The following BHMT variants were observed in gnomAD, a reference collection of about 807,000 sequenced individuals.
BHMT encodes the protein betaine--homocysteine S-methyltransferase, also known as betaine--homocysteine S-methyltransferase 1.
Under a neutral mutation model 49.5 loss-of-function variants are expected in BHMT, and 38 were observed. The ratio of observed to expected loss-of-function variants is 0.77; its 90% CI spans 0.59 to 1.01. BHMT has a LOEUF of 1.01. Among genes scored for constraint, BHMT ranks in the 50% least tolerant of loss-of-function variants. The pLI, the probability that BHMT is intolerant of heterozygous loss-of-function variation, is 0.00. For missense variants in BHMT, 426 were observed against 495.7 expected, an observed-to-expected ratio of 0.86 and a Z score of 1.34; for synonymous variants, 166 against 176.3, an observed-to-expected ratio of 0.94 and a Z score of 0.46.
rs779249523 is a variant in BHMT, at chr5:79,127,933, C to A, written c.987C>A (p.Gly329=). Reference sequence around the variant, plus strand: ...TGCCACCAGCTTCAGAAAAACATGGCAGCTGGGGAAGTGGTTTGGACATGC... The same window carrying A: ...TGCCACCAGCTTCAGAAAAACATGGAAGCTGGGGAAGTGGTTTGGACATGC... ...GFLPPASEKH[G]SWGSGLDMHT... The change falls in exon 7 of 8, where the codon GGC becomes GGA. Residue 329 remains glycine (G), a synonymous_variant. Coordinates refer to ENST00000274353, the MANE Select transcript of BHMT (RefSeq NM_001713.3). The A allele has an allele frequency of 6.2e-7, 1 of 1,614,114 alleles. No individual in the cohort carries two copies. The highest frequency in any genetic ancestry group is 8.5e-7 in the Non-Finnish European group (1 of 1,179,986).
rs73769969 is a variant in BHMT, at chr5:79,120,461, A to G, written c.397A>G (p.Ser133Gly). The G allele has an allele frequency of 1.9e-5, 31 of 1,614,198 alleles. No homozygotes were observed. The African/African-American group carries it at 3.6e-4, about 19-fold the overall frequency. Residue 133 changes from serine (S) to glycine (G), a missense_variant, in exon 4 of 8, where the codon AGT becomes GGT. Coordinates refer to ENST00000274353, the MANE Select transcript of BHMT (RefSeq NM_001713.3). Reference sequence around the variant, plus strand: ...GACACCTTCATACCTTAGCTGCAAGAGTGAAACTGAAGTCAAAAAAGTATT... The same window carrying G: ...GACACCTTCATACCTTAGCTGCAAGGGTGAAACTGAAGTCAAAAAAGTATT... ...SQTPSYLSCK[S>G]ETEVKKVFLQ...
chr5:79,130,822 G>A, intron 7 of BHMT, 111 bp from the exon 8 acceptor site: 1 of 1,025,006 alleles, frequency 9.8e-7, no homozygotes, highest in South Asian at 4.0e-5. Context: ...AACTTTGTGT[G>A]CTGCGTGAAA....
rs543295195 is a variant in BHMT at position 79,130,962 on chromosome 5, G to T, written c.1067G>T (p.Arg356Leu). The T allele has an allele frequency of 6.2e-7, 1 of 1,612,874 alleles. No homozygotes were observed. Among genetic ancestry groups the T allele is most frequent in the Non-Finnish European group, 8.5e-7 (1 of 1,179,490 alleles). The stretch of plus-strand genomic sequence containing the variant: ...AGGAAGGAATACTGGGAGAATCTTC[G>T]GATAGCCTCAGGCCGGCCATACAAC... ...RARKEYWENL[R>L]IASGRPYNPS... is the part of the protein sequence containing the mutation. Residue 356 changes from arginine (R) to leucine (L), a missense_variant, in exon 8 of 8, where the codon CGG (arginine) becomes CTG (leucine). Arg to Leu is a moderately radical substitution (Grantham distance 102). This residue lies in a region of BHMT where 73 missense variants were observed against 68.3 expected (regional missense o/e 1.07). Coordinates refer to ENST00000274353, the MANE Select transcript of BHMT (RefSeq NM_001713.3).
chr5:79,127,745 C>T lies in BHMT; in HGVS notation c.809-10C>T. On this transcript the variant is annotated splice_polypyrimidine_tract_variant and intron_variant, in intron 6 of 7. Transcript: ENST00000274353. ...TATAATGCCTAATGGCATAATGCCACTTATTACAGGACTGGAACCCAGAGT... is the reference window on the plus strand; with the variant it reads ...TATAATGCCTAATGGCATAATGCCATTTATTACAGGACTGGAACCCAGAGT... 6.2e-7 allele frequency: 1 copy of T among 1,613,808 alleles called. No individual in the cohort carries two copies. Among genetic ancestry groups the T allele is most frequent in the Non-Finnish European group, 8.5e-7 (1 of 1,179,810 alleles).
chr5:79,128,675 A>C (rs1433779304), intron 7 of BHMT, among the ~76,000 whole-genome samples: 1 of 152,212 alleles, frequency 6.6e-6, no homozygotes. Context: ...CCACTTAAGT[A>C]TAGCTAATAC....
At chr5:79,114,716 C>T (rs1331723615) in intron 1 of BHMT, among the ~76,000 whole-genome samples, 2 of 152,098 alleles carry the variant, frequency 1.3e-5, no homozygotes, top group African/African-American at 4.8e-5. Context: ...AGTCAGGAAG[C>T]CCTATGCTCC....
intron 7 of BHMT, among the ~76,000 whole-genome samples, chr5:79,130,050 T>A (rs1053244883): frequency 6.6e-6 from 1 of 152,136 alleles, no homozygotes; most frequent in Non-Finnish European, 1.5e-5. Context: ...GGCATAGGCC[T>A]ATAATCCCAG....
At chr5:79,121,056 CAGG>C in intron 4 of BHMT, 159 bp from the exon 5 acceptor site, 1 of 787,774 alleles carries the variant, frequency 1.3e-6, no homozygotes, top group Non-Finnish European at 1.9e-6. Flanking sequence ...GAGGCGGAGG[CAGG>C]AGAATTGCTT....
chr5:79,122,154 G>T (rs547620896), intron 5 of BHMT, among the ~76,000 whole-genome samples: 51 of 152,114 alleles, frequency 3.4e-4, no homozygotes, highest in African/African-American at 1.2e-3. Context: ...ATTTGGTCAG[G>T]CTGGTCTCGA....
chr5:79,125,909 C>G, intron 5 of BHMT, 137 bp from the exon 6 acceptor site: 3 of 870,028 alleles, frequency 3.4e-6, no homozygotes, highest in Non-Finnish European at 5.2e-6. Flanking sequence ...CGCTACTGCA[C>G]TCCAGCCTGG....
intron 4 of BHMT, among the ~76,000 whole-genome samples, chr5:79,120,934 C>T (rs1328634863): frequency 6.6e-6 from 1 of 151,894 alleles, no homozygotes; most frequent in East Asian, 1.9e-4. Flanking sequence ...GTGTGGATCA[C>T]GAGGTCAGGA....
rs148233515 is a variant in BHMT at position 79,131,036 on chromosome 5, G to C, written c.1141G>C (p.Glu381Gln). Residue 381 changes from glutamate (E) to glutamine (Q), a missense_variant, in exon 8 of 8, where the codon GAG (glutamate) becomes CAG (glutamine). By Grantham distance (29) the Glu-to-Gln change is conservative (BLOSUM62 2). This residue lies in a region of BHMT where 73 missense variants were observed against 68.3 expected (regional missense o/e 1.07). Transcript: ENST00000274353. ...DGWGVTKGTA[E>Q]LMQQKEATTE... ...CTGGGGAGTGACCAAAGGAACAGCC[G>C]AGCTGATGCAGCAGAAAGAAGCCAC... The C allele has an allele frequency of 4.3e-6, 7 of 1,613,914 alleles. No homozygotes were observed. Among genetic ancestry groups the C allele is most frequent in the Non-Finnish European group, 5.1e-6 (6 of 1,179,950 alleles).
chr5:79,126,369 C>T, intron 6 of BHMT, 141 bp downstream of exon 6: 4 of 987,814 alleles, frequency 4.0e-6, no homozygotes, highest in Admixed American at 5.6e-5. Flanking sequence ...GGTTTCTGTC[C>T]CTGCAGCCAA....
Position 79,131,260 on chromosome 5 carries a change from A to G in BHMT, c.*144A>G. 1 of 764,694 alleles carries G rather than the reference A, an allele frequency of 1.3e-6. No individual in the cohort carries two copies. The highest frequency in any genetic ancestry group is 2.0e-6 in the Non-Finnish European group (1 of 507,800). The allele number at this position is 764,694 out of a possible 1,614,324, so 47.4% of individuals were successfully genotyped here. Reference sequence around the variant, plus strand: ...TATTACCTGAACAAAATAGAATTACAAATAGCACTTGATAATTTTAAAGTA... The same window carrying G: ...TATTACCTGAACAAAATAGAATTACGAATAGCACTTGATAATTTTAAAGTA... On this transcript the variant is annotated 3_prime_UTR_variant, in exon 8 of 8. Transcript: ENST00000274353.
intron 1 of BHMT, among the ~76,000 whole-genome samples, chr5:79,112,935 G>A (rs1756327714): frequency 6.6e-6 from 1 of 152,196 alleles, no homozygotes; most frequent in Non-Finnish European, 1.5e-5. Context: ...TGGCACGACA[G>A]AGGCCCCCGG....
chr5:79,120,015 A>G lies in BHMT; in HGVS notation c.286-335A>G, dbSNP rs113767268. On this transcript the variant is annotated intron_variant, in intron 3 of 7. Coordinates refer to ENST00000274353, the MANE Select transcript of BHMT (RefSeq NM_001713.3). Reference sequence around the variant, plus strand: ...TTCTCAATCATAAAAGCAAATCATCATCACCACCACTACTATTTGTTAGGT... The same window carrying G: ...TTCTCAATCATAAAAGCAAATCATCGTCACCACCACTACTATTTGTTAGGT... Among the ~76,000 whole-genome samples the G allele has an allele frequency of 9.2e-5, 14 of 152,344 alleles. 1 individual carries two copies. The highest frequency in any genetic ancestry group is 3.4e-4 in the African/African-American group (14 of 41,578).
At chr5:79,115,999 C>G (rs619100) in intron 2 of BHMT, 100 bp downstream of exon 2, 657,182 of 1,373,754 alleles carry the variant, frequency 0.48, 164,058 homozygotes, top group East Asian at 0.57. Flanking sequence ...GGGAAGACCA[C>G]TTGAGCCCAG....
At chr5:79,127,461 C>T (rs1012996640) in intron 6 of BHMT, among the ~76,000 whole-genome samples, 4 of 152,216 alleles carry the variant, frequency 2.6e-5, no homozygotes, top group Middle Eastern at 3.4e-3. Context: ...AAGTCACATG[C>T]CAGTTCTGCC....
chr5:79,120,822 T>C (rs1359006896), intron 4 of BHMT, among the ~76,000 whole-genome samples: 1 of 152,166 alleles, frequency 6.6e-6, no homozygotes, highest in Non-Finnish European at 1.5e-5. Flanking sequence ...AAAACAGTAA[T>C]AATGAAGTTT....
Sources: allele counts gnomAD v4.1 joint callset (sites outside exome capture counted in the v4.1 genomes callset), GRCh38; gene constraint gnomAD v4.1.1; regional missense constraint gnomAD v4.1.1; transcripts MANE v1.5; gene names NCBI Gene and HGNC (gene_info 2026-07-23, HGNC 2026-07-21).